Variants in SKIL observed in about 807,000 individuals in gnomAD.
SKIL encodes SKI like proto-oncogene, also known as ski-like protein.
A neutral mutation model predicts 69.6 loss-of-function variants in SKIL; 20 were observed. The observed-to-expected ratio is 0.29, with a 90% CI of 0.20 to 0.42. The LOEUF (loss-of-function observed/expected upper bound fraction) is 0.42. Among genes scored for constraint, SKIL ranks in the 10% least tolerant of loss-of-function variants. The pLI, the probability that SKIL is intolerant of heterozygous loss-of-function variation, is 1.00. For synonymous variants in SKIL, 310 were observed against 279.9 expected (o/e 1.11, Z -1.08); for missense variants, 745 against 783.1 (o/e 0.95, Z 0.58).
At position 170,367,496 on chromosome 3, in the gene SKIL, C is replaced by T. The variant is rs1477234868; in HGVS notation, c.1098+6067C>T. Among the ~76,000 whole-genome samples, 8 of 141,042 alleles carry T rather than the reference C, an allele frequency of 5.7e-5. No homozygotes were observed. The South Asian group carries it at 1.4e-3, about 24-fold the overall frequency. The allele number at this position is 141,042 out of a possible 152,430, so 92.5% of individuals were successfully genotyped here. On this transcript the variant is annotated intron_variant, in intron 2 of 6. Coordinates refer to ENST00000259119, the MANE Select transcript of SKIL (RefSeq NM_005414.5). ...TTTTTTTTAAATTGAGATGGAGTTT[C>T]GCCCTTGTTGCCCAGGCTGGAGTGC...
chr3:170,358,302 T>G (rs985399507), intron 1 of SKIL, among the ~76,000 whole-genome samples: 24 of 150,602 alleles, frequency 1.6e-4, no homozygotes, highest in African/African-American at 5.9e-4. Flanking sequence ...ATTTCCACAG[T>G]CCTTCCCGCG....
chr3:170,382,804 C>T (rs1471460817), intron 3 of SKIL, among the ~76,000 whole-genome samples: 4 of 150,642 alleles, frequency 2.7e-5, no homozygotes, highest in East Asian at 2.0e-4. Context: ...CTGCAACCTC[C>T]GCCTCCCGGG....
At chr3:170,376,682 C>G (rs1045836260) in intron 2 of SKIL, among the ~76,000 whole-genome samples, 5 of 151,654 alleles carry the variant, frequency 3.3e-5, no homozygotes, top group African/African-American at 1.2e-4. Context: ...CTCAAGTGAT[C>G]CTCCTGCCTT....
At chr3:170,379,890 C>T (rs758126275) in intron 2 of SKIL, among the ~76,000 whole-genome samples, 18 of 152,124 alleles carry the variant, frequency 1.2e-4, no homozygotes, top group Non-Finnish European at 2.2e-4. Context: ...GTGATCCACC[C>T]ACCTCGGCCT....
At position 170,360,188 on chromosome 3, in the gene SKIL, ATTAAT is replaced by A. The variant is rs1736152345; in HGVS notation, c.-139_-135del. 3 of 770,482 alleles carry A rather than the reference ATTAAT, an allele frequency of 3.9e-6. No individual in the cohort carries two copies. The highest frequency in any genetic ancestry group is 4.7e-5 in the South Asian group (2 of 42,202). 47.7% of individuals were successfully genotyped at this position (770,482 alleles called of 1,614,324 possible). On this transcript the variant is annotated 5_prime_UTR_variant, in exon 2 of 7. Transcript: ENST00000259119. ...GAACCAAAACTAAGTCGCAAAATTT[ATTAAT>A]TTAAGGGGCTCTCGCTTTGAAAGTT...
intron 1 of SKIL, among the ~76,000 whole-genome samples, chr3:170,358,909 T>A (rs148093305): frequency 1.3e-5 from 2 of 152,200 alleles, no homozygotes; most frequent in Non-Finnish European, 1.5e-5. Flanking sequence ...AATTTTTGCC[T>A]GCAGTCATTC....
chr3:170,366,807 C>T (rs1301237461), intron 2 of SKIL, among the ~76,000 whole-genome samples: 1 of 152,000 alleles, frequency 6.6e-6, no homozygotes, highest in African/African-American at 2.4e-5. Context: ...TTGGAATAAT[C>T]ATTATTTTAC....
chr3:170,378,815 A>G (rs950074651), intron 2 of SKIL, among the ~76,000 whole-genome samples: 6 of 150,716 alleles, frequency 4.0e-5, no homozygotes, highest in African/African-American at 1.2e-4. Context: ...AGTTACAGGC[A>G]TGAGCTGCTG....
intron 4 of SKIL, among the ~76,000 whole-genome samples, chr3:170,388,926 G>A (rs1737778508): frequency 6.6e-6 from 1 of 151,816 alleles, no homozygotes; most frequent in Admixed American, 6.6e-5. Context: ...CTGGAGTACA[G>A]TGGTGCCATC....
chr3:170,377,036 C>T (rs1577427853), intron 2 of SKIL, among the ~76,000 whole-genome samples: 1 of 152,196 alleles, frequency 6.6e-6, no homozygotes, highest in Admixed American at 6.5e-5. Flanking sequence ...TTGTAATTTT[C>T]CTCTCTCCTT....
chr3:170,380,080 A>C (rs925446798), intron 2 of SKIL, among the ~76,000 whole-genome samples: 4 of 152,090 alleles, frequency 2.6e-5, no homozygotes, highest in African/African-American at 7.2e-5. Context: ...GTTACCAGTT[A>C]CCTTTCTCCT....
At position 170,387,645 on chromosome 3, in the gene SKIL, C is replaced by T. The variant is rs546347033; in HGVS notation, c.1430-2578C>T. On this transcript the variant is annotated intron_variant, in intron 4 of 6. Transcript: ENST00000259119. Reference sequence around the variant, plus strand: ...AATTAAGAATAATGCTGCTATAGGCCGGGCGCGGTGGCTCACGCCTGTAAT... The same window carrying T: ...AATTAAGAATAATGCTGCTATAGGCTGGGCGCGGTGGCTCACGCCTGTAAT... Among the ~76,000 whole-genome samples the T allele has an allele frequency of 5.3e-5, 8 of 151,046 alleles. No individual in the cohort carries two copies. In the South Asian group the frequency reaches 6.3e-4, roughly 12 times the overall value.
At position 170,361,536 on chromosome 3, in the gene SKIL, C is replaced by A. The variant is rs949666265; in HGVS notation, c.1098+107C>A. 3.5e-6 allele frequency: 3 copies of A among 862,936 alleles called. No homozygotes were observed. In the African/African-American group the frequency reaches 5.1e-5, roughly 15 times the overall value. The allele number at this position is 862,936 out of a possible 1,614,324, so 53.5% of individuals were successfully genotyped here. On this transcript the variant is annotated intron_variant, in intron 2 of 6. Transcript: ENST00000259119. Reference sequence around the variant, plus strand: ...TGTATGTTGAACATTGCTCATGCAACAACAACAAAATACCGATTGATATAT... The same window carrying A: ...TGTATGTTGAACATTGCTCATGCAAAAACAACAAAATACCGATTGATATAT...
chr3:170,382,462 T>A (rs1737403645), intron 3 of SKIL, among the ~76,000 whole-genome samples: 1 of 149,498 alleles, frequency 6.7e-6, no homozygotes, highest in Non-Finnish European at 1.5e-5. Flanking sequence ...TTACCCAGAC[T>A]GGAGTGCAGT....
chr3:170,388,616 G>A (rs1347176970), intron 4 of SKIL, among the ~76,000 whole-genome samples: 1 of 151,744 alleles, frequency 6.6e-6, no homozygotes, highest in African/African-American at 2.4e-5. Flanking sequence ...TATTTTTGGT[G>A]GAGTTGGGGT....
chr3:170,392,317 A>T lies in SKIL; in HGVS notation c.1955A>T (p.Asp652Val). ...GAGGCCGATAGGCAAGAACTCCAAG[A>T]TGAACTCAGACAGGAACGGGAAGCA... ...HAEADRQELQDELRQEREARQ... is the reference protein window; with the variant it reads ...HAEADRQELQVELRQEREARQ... Residue 652 changes from aspartate (D) to valine (V), a missense_variant, in exon 7 of 7, where the codon GAT becomes GTT. Physicochemically the swap from Asp to Val is radical, Grantham distance 152. Coordinates refer to ENST00000259119, the MANE Select transcript of SKIL (RefSeq NM_005414.5). The T allele has an allele frequency of 6.2e-7, 1 of 1,613,648 alleles. No individual in the cohort carries two copies. Among genetic ancestry groups the T allele is most frequent in the Non-Finnish European group, 8.5e-7 (1 of 1,179,600 alleles).
At chr3:170,369,738 G>A (rs1736708496) in intron 2 of SKIL, among the ~76,000 whole-genome samples, 1 of 152,166 alleles carries the variant, frequency 6.6e-6, no homozygotes, top group East Asian at 1.9e-4. Context: ...AATTCTGGGA[G>A]TGGAAAGTGA....
intron 4 of SKIL, among the ~76,000 whole-genome samples, chr3:170,386,625 G>A (rs1175285288): frequency 7.3e-5 from 11 of 151,692 alleles, no homozygotes; most frequent in African/African-American, 1.9e-4. Flanking sequence ...GTGCCACTGC[G>A]CCTGCCTCAT....
intron 4 of SKIL, among the ~76,000 whole-genome samples, chr3:170,386,202 C>T (rs913868659): frequency 6.0e-5 from 9 of 150,522 alleles, no homozygotes; most frequent in African/African-American, 2.2e-4. Flanking sequence ...GTGATCTCGG[C>T]TCACTGCAAT....
Sources: gnomAD v4.1 joint callset for allele counts (sites outside exome capture counted in the v4.1 genomes callset) on GRCh38, gnomAD v4.1.1 for gene constraint, MANE v1.5 for transcripts, NCBI Gene and HGNC (gene_info 2026-07-23, HGNC 2026-07-21) for gene names.